The following RAP2A variants were observed in gnomAD, a reference collection of about 807,000 sequenced individuals.
The protein encoded by RAP2A is RAP2A, member of RAS oncogene family.
In RAP2A, 5 loss-of-function variants were observed where a neutral mutation model predicts 15.1. The observed-to-expected ratio is 0.33, with a 90% CI of 0.17 to 0.70. RAP2A has a LOEUF of 0.70. Among genes scored for constraint, RAP2A ranks in the 30% least tolerant of loss-of-function variants. The pLI is 0.68. For synonymous variants in RAP2A, 110 were observed against 99.7 expected (o/e 1.10, Z -0.62); for missense variants, 111 against 240.3 (o/e 0.46, Z 3.56).
intron 1 of RAP2A, among the ~76,000 whole-genome samples, chr13:97,452,650 G>GCACACACACACA (rs34107608): frequency 6.8e-6 from 1 of 148,070 alleles, no homozygotes; most frequent in Non-Finnish European, 1.5e-5. Flanking sequence ...ACACACACAC[G>GCACACACACACA]CACACACACA....
chr13:97,467,851 C>T lies in RAP2A; in HGVS notation c.*3409C>T, dbSNP rs1235003363. ...ATACAACTGACCATTTAAAATTGAACAAGTTTATTGTTTTGTAACAATGTC... is the reference window on the plus strand; with the variant it reads ...ATACAACTGACCATTTAAAATTGAATAAGTTTATTGTTTTGTAACAATGTC... On this transcript the variant is annotated 3_prime_UTR_variant, in exon 2 of 2. Coordinates refer to ENST00000245304, the MANE Select transcript of RAP2A (RefSeq NM_021033.7). 1.3e-5 allele frequency: 2 copies of T among 152,458 alleles called. No homozygotes were observed. Among genetic ancestry groups the T allele is most frequent in the Admixed American group, 1.3e-4 (2 of 15,260 alleles). The allele number at this position is 152,458 out of a possible 1,614,324, so 9.4% of individuals were successfully genotyped here. A position where few individuals can be genotyped will look rare whatever the true frequency, so the allele number is the denominator to read the frequency against.
intron 1 of RAP2A, among the ~76,000 whole-genome samples, chr13:97,454,574 C>T (rs1383093634): frequency 2.0e-5 from 3 of 151,186 alleles, no homozygotes; most frequent in Non-Finnish European, 4.4e-5. Flanking sequence ...TAGGTCTCTG[C>T]TTTCCAGAGT....
At position 97,464,700 on chromosome 13, in the gene RAP2A, G is replaced by C; in HGVS notation, c.*258G>C. ...GGCATAGTCCATCGATCTACAGGGTGATCTCATTTGAAAGCTATGATGGCA... is the reference window on the plus strand; with the variant it reads ...GGCATAGTCCATCGATCTACAGGGTCATCTCATTTGAAAGCTATGATGGCA... On this transcript the variant is annotated 3_prime_UTR_variant, in exon 2 of 2. Coordinates refer to ENST00000245304, the MANE Select transcript of RAP2A (RefSeq NM_021033.7). The C allele has an allele frequency of 2.1e-6, 1 of 467,034 alleles. No homozygotes were observed. Among genetic ancestry groups the C allele is most frequent in the Admixed American group, 3.7e-5 (1 of 27,060 alleles). 28.9% of individuals were successfully genotyped at this position (467,034 alleles called of 1,614,324 possible).
intron 1 of RAP2A, among the ~76,000 whole-genome samples, chr13:97,443,273 G>A (rs1211033732): frequency 3.9e-5 from 6 of 152,202 alleles, no homozygotes; most frequent in Admixed American, 2.0e-4. Context: ...GTGTTCTCAT[G>A]CTTTCCTGAC....
intron 1 of RAP2A, among the ~76,000 whole-genome samples, chr13:97,463,928 T>A (rs2139043284): frequency 6.6e-6 from 1 of 152,360 alleles, no homozygotes; most frequent in Non-Finnish European, 1.5e-5. Flanking sequence ...TTTCTGAGAA[T>A]AATTTTCCAA....
intron 1 of RAP2A, among the ~76,000 whole-genome samples, chr13:97,440,606 A>G (rs1215925278): frequency 6.6e-6 from 1 of 152,160 alleles, no homozygotes; most frequent in Non-Finnish European, 1.5e-5. Context: ...AAATGACTCG[A>G]AGAGCTCAGT....
At chr13:97,455,249 T>A (rs1203332049) in intron 1 of RAP2A, among the ~76,000 whole-genome samples, 2 of 151,546 alleles carry the variant, frequency 1.3e-5, no homozygotes, top group African/African-American at 4.9e-5. Flanking sequence ...AAAATTTTCA[T>A]GTGGTTTATT....
chr13:97,438,067 G>C (rs577889720), intron 1 of RAP2A, among the ~76,000 whole-genome samples: 5 of 152,172 alleles, frequency 3.3e-5, no homozygotes, highest in Middle Eastern at 3.4e-3. Context: ...ACTTGATTTT[G>C]GGTGAGATGA....
At chr13:97,450,565 T>G (rs1219525201) in intron 1 of RAP2A, among the ~76,000 whole-genome samples, 1 of 152,136 alleles carries the variant, frequency 6.6e-6, no homozygotes, top group Non-Finnish European at 1.5e-5. Flanking sequence ...TATTTTTTAT[T>G]AAAATGTACA....
chr13:97,463,502 TTGAAC>T (rs1476159748), intron 1 of RAP2A, among the ~76,000 whole-genome samples: 2 of 152,264 alleles, frequency 1.3e-5, no homozygotes, highest in Non-Finnish European at 2.9e-5. Context: ...TTGTTTCTCT[TTGAAC>T]TGACTAATCC....
intron 1 of RAP2A, among the ~76,000 whole-genome samples, chr13:97,459,945 A>C (rs1248274564): frequency 6.6e-6 from 1 of 152,216 alleles, no homozygotes; most frequent in Non-Finnish European, 1.5e-5. Flanking sequence ...GGATAAGTAC[A>C]TGATGTATTG....
chr13:97,438,891 G>C (rs2066645307), intron 1 of RAP2A, among the ~76,000 whole-genome samples: 1 of 152,204 alleles, frequency 6.6e-6, no homozygotes, highest in Non-Finnish European at 1.5e-5. Context: ...TATTTGTATT[G>C]TTGTTTGGCC....
intron 1 of RAP2A, among the ~76,000 whole-genome samples, chr13:97,460,358 T>A (rs1306371457): frequency 6.6e-6 from 1 of 152,240 alleles, no homozygotes; most frequent in Non-Finnish European, 1.5e-5. Context: ...CCACCATGTC[T>A]GTTGTGATTT....
At chr13:97,435,792 G>C (rs1215445526) in intron 1 of RAP2A, among the ~76,000 whole-genome samples, 1 of 152,062 alleles carries the variant, frequency 6.6e-6, no homozygotes, top group Non-Finnish European at 1.5e-5. Context: ...GTTTCATCTA[G>C]TTCTTGTTAG....
At chr13:97,453,223 G>A (rs1386759910) in intron 1 of RAP2A, among the ~76,000 whole-genome samples, 2 of 151,138 alleles carry the variant, frequency 1.3e-5, no homozygotes, top group African/African-American at 4.9e-5. Flanking sequence ...TCAATTCCAT[G>A]TACTCTTTAC....
At chr13:97,455,608 T>G (rs989164099) in intron 1 of RAP2A, among the ~76,000 whole-genome samples, 2 of 151,512 alleles carry the variant, frequency 1.3e-5, no homozygotes, top group Non-Finnish European at 2.9e-5. Context: ...AGTTCAATTT[T>G]CAAAGCCTTT....
At chr13:97,457,351 G>T (rs2066727342) in intron 1 of RAP2A, among the ~76,000 whole-genome samples, 1 of 151,912 alleles carries the variant, frequency 6.6e-6, no homozygotes, top group South Asian at 2.1e-4. Flanking sequence ...GCCAAAAAAT[G>T]GGGGTGGGGG....
intron 1 of RAP2A, among the ~76,000 whole-genome samples, chr13:97,462,967 AT>A (rs2066754229): frequency 1.3e-5 from 2 of 151,874 alleles, no homozygotes; most frequent in African/African-American, 2.4e-5. Context: ...TTGTCTATGC[AT>A]CCTGCCTCAA....
chr13:97,435,961 C>T (rs1166002447), intron 1 of RAP2A: 1 of 152,080 alleles, frequency 6.6e-6, no homozygotes, highest in Non-Finnish European at 1.5e-5. Flanking sequence ...GAGCAAGGAC[C>T]AAGTTATGTG....
Sources: gnomAD v4.1 joint callset for allele counts (sites outside exome capture counted in the v4.1 genomes callset) on GRCh38, gnomAD v4.1.1 for gene constraint, MANE v1.5 for transcripts, NCBI Gene and HGNC (gene_info 2026-07-23, HGNC 2026-07-21) for gene names.